Variants in CFAP36 observed in about 807,000 individuals in gnomAD.
The protein encoded by CFAP36 is cilia and flagella associated protein 36.
In CFAP36, 37 loss-of-function variants were observed where a neutral mutation model predicts 50.5. That is an observed-to-expected ratio of 0.73 (90% CI 0.56 to 0.96). The LOEUF is 0.96. Ranked by LOEUF, CFAP36 falls within the 50% of genes least tolerant of loss-of-function variation. The pLI, the probability that CFAP36 is intolerant of heterozygous loss-of-function variation, is 0.00. For missense variants in CFAP36, 407 were observed against 396.2 expected (o/e 1.03, Z -0.23); for synonymous variants, 138 against 128.2 (o/e 1.08, Z -0.52).
intron 3 of CFAP36, 27 bp from the exon 4 acceptor site, chr2:55,528,851 C>A: frequency 7.1e-7 from 1 of 1,414,640 alleles, no homozygotes; most frequent in Non-Finnish European, 9.8e-7. Flanking sequence ...CTTGAATCTT[C>A]ATTTCACTTG....
intron 7 of CFAP36, among the ~76,000 whole-genome samples, chr2:55,541,268 G>A (rs1483151774): frequency 6.6e-6 from 1 of 152,126 alleles, no homozygotes; most frequent in East Asian, 1.9e-4. Flanking sequence ...AGGTTGCAGT[G>A]AGCCAAGATC....
In CFAP36 at chr2:55,537,578, A is replaced by G; in HGVS notation, c.633A>G (p.Pro211=). ...GGGATGGTGAACATTTTGCACACCC[A>G]CCCTCAGGTAAGGTTGAGGTGTACT... ...SQGDGEHFAH[P]PSEVKMHFAN... Residue 211 remains proline, a synonymous_variant, in exon 7 of 10, where the codon CCA becomes CCG. Coordinates refer to ENST00000349456, the MANE Select transcript of CFAP36 (RefSeq NM_080667.7). 1 of 1,607,796 alleles carries G rather than the reference A, an allele frequency of 6.2e-7. No homozygotes were observed. Among genetic ancestry groups the G allele is most frequent in the Non-Finnish European group, 8.5e-7 (1 of 1,175,722 alleles).
At chr2:55,521,238 C>G (rs191528179) in intron 1 of CFAP36, among the ~76,000 whole-genome samples, 2 of 139,662 alleles carry the variant, frequency 1.4e-5, no homozygotes, top group African/African-American at 5.4e-5. Flanking sequence ...GAGTGTCGCT[C>G]TGTTGCCCAG....
intron 2 of CFAP36, among the ~76,000 whole-genome samples, chr2:55,523,097 CAA>C (rs1171309942): frequency 1.8e-5 from 2 of 109,172 alleles, no homozygotes; most frequent in Admixed American, 1.0e-4. Flanking sequence ...GACTCTGTCT[CAA>C]AAAAAAAAAA....
At chr2:55,529,283 G>A (rs1357341289) in intron 4 of CFAP36, among the ~76,000 whole-genome samples, 15 of 151,964 alleles carry the variant, frequency 9.9e-5, no homozygotes, top group Admixed American at 9.2e-4. Flanking sequence ...TTAGCTGGGC[G>A]TGGTGGCGGG....
intron 1 of CFAP36, chr2:55,520,581 A>G: frequency 1.2e-6 from 1 of 837,042 alleles, no homozygotes; most frequent in Non-Finnish European, 1.7e-6. Flanking sequence ...TTCCCCGTGA[A>G]GGACAGGCAT....
chr2:55,527,656 C>T (rs1276742750), intron 3 of CFAP36, among the ~76,000 whole-genome samples: 1 of 152,126 alleles, frequency 6.6e-6, no homozygotes, highest in African/African-American at 2.4e-5. Flanking sequence ...ACATACACCA[C>T]TTCATCCAAT....
intron 4 of CFAP36, among the ~76,000 whole-genome samples, chr2:55,532,208 A>T (rs571882126): frequency 7.0e-6 from 1 of 142,184 alleles, no homozygotes; most frequent in South Asian, 2.2e-4. Context: ...TCTCAAAATT[A>T]AAAAAAAAAA....
At chr2:55,522,979 C>T (rs984952897) in intron 2 of CFAP36, among the ~76,000 whole-genome samples, 26 of 151,564 alleles carry the variant, frequency 1.7e-4, no homozygotes, top group African/African-American at 4.8e-4. Flanking sequence ...CCTGTAGTCC[C>T]AGTTGCTTGG....
At chr2:55,540,404 T>G (rs1427986288) in intron 7 of CFAP36, among the ~76,000 whole-genome samples, 1 of 152,188 alleles carries the variant, frequency 6.6e-6, no homozygotes, top group East Asian at 1.9e-4. Context: ...AAAGATAAAT[T>G]GATTATATTT....
chr2:55,545,042 A>G lies in CFAP36; in HGVS notation c.*34A>G, dbSNP rs770666596. 2 of 1,262,524 alleles carry G rather than the reference A, an allele frequency of 1.6e-6. No individual in the cohort carries two copies. Among genetic ancestry groups the G allele is most frequent in the East Asian group, 2.5e-5 (1 of 39,934 alleles). The allele number at this position is 1,262,524 out of a possible 1,614,324, so 78.2% of individuals were successfully genotyped here. A position where few individuals can be genotyped will look rare whatever the true frequency, so the allele number is the denominator to read the frequency against. On this transcript the variant is annotated 3_prime_UTR_variant, in exon 10 of 10. Coordinates refer to ENST00000349456, the MANE Select transcript of CFAP36 (RefSeq NM_080667.7). ...AACAATTTAACAAAATGGAAGTTCA[A>G]ATTGTCTTAAAAATAAATTATTTAG... is the stretch of plus-strand genomic sequence containing the variant.
intron 1 of CFAP36, among the ~76,000 whole-genome samples, chr2:55,521,469 A>T (rs1408303583): frequency 6.6e-6 from 1 of 152,274 alleles, no homozygotes; most frequent in East Asian, 1.9e-4. Flanking sequence ...ATATTACATT[A>T]AAAGTTATGA....
At chr2:55,525,147 A>C (rs1684172086) in intron 3 of CFAP36, among the ~76,000 whole-genome samples, 1 of 152,100 alleles carries the variant, frequency 6.6e-6, no homozygotes, top group African/African-American at 2.4e-5. Flanking sequence ...CTACTACCCA[A>C]GTAGCCTTTT....
Position 55,544,262 on chromosome 2 carries a change from C to T in CFAP36, c.820C>T (p.His274Tyr). Reference sequence around the variant, plus strand: ...AACAGAAGAACTTCGGCAACGAGAACACTATCTCAAGCAGAAGAGAGATAA... The same window carrying T: ...AACAGAAGAACTTCGGCAACGAGAATACTATCTCAAGCAGAAGAGAGATAA... ...LGTEELRQRE[H>Y]YLKQKRDKLM... The change falls in exon 9 of 10, where the codon CAC becomes TAC. Residue 274 changes from histidine to tyrosine, a missense_variant. Coordinates refer to ENST00000349456, the MANE Select transcript of CFAP36 (RefSeq NM_080667.7). The T allele has an allele frequency of 2.5e-6, 4 of 1,613,816 alleles. No homozygotes were observed. Among genetic ancestry groups the T allele is most frequent in the East Asian group, 2.2e-5 (1 of 44,836 alleles).
chr2:55,529,881 C>T (rs374356919), intron 4 of CFAP36, among the ~76,000 whole-genome samples: 16 of 152,214 alleles, frequency 1.1e-4, no homozygotes, highest in Non-Finnish European at 7.4e-5. Context: ...CTCCTGACCT[C>T]GTGATCCGCC....
chr2:55,521,063 A>G (rs184827156), intron 1 of CFAP36, among the ~76,000 whole-genome samples: 92 of 152,372 alleles, frequency 6.0e-4, no homozygotes, highest in African/African-American at 1.8e-3. Flanking sequence ...GGTAAAGATG[A>G]AATTCAGTTT....
Position 55,535,849 on chromosome 2 carries a change from C to T in CFAP36, c.537+86C>T, listed in dbSNP as rs1401185274. 4.8e-6 allele frequency: 7 copies of T among 1,454,206 alleles called. No homozygotes were observed. In the African/African-American group the frequency reaches 7.3e-5, roughly 15 times the overall value. 90.1% of individuals were successfully genotyped at this position (1,454,206 alleles called of 1,614,324 possible). ...CTAGATCTTACTATTAAAATTTATA[C>T]TTATGTGGAACTACATAATTTTAAG... On this transcript the variant is annotated intron_variant, in intron 6 of 9. Transcript: ENST00000349456.
chr2:55,520,008 C>T, intron 1 of CFAP36, 92 bp downstream of exon 1: 1 of 1,136,854 alleles, frequency 8.8e-7, no homozygotes, highest in Non-Finnish European at 1.3e-6. Flanking sequence ...TCTCTCGTCT[C>T]CCCGACCCCC....
At chr2:55,538,857 T>C in intron 7 of CFAP36, 1 of 1,518,776 alleles carries the variant, frequency 6.6e-7, no homozygotes, top group South Asian at 1.3e-5. Context: ...CTAAATATAT[T>C]CTTCTAAACC....
Sources: gnomAD v4.1 joint callset for allele counts (sites outside exome capture counted in the v4.1 genomes callset) on GRCh38, gnomAD v4.1.1 for gene constraint, MANE v1.5 for transcripts, NCBI Gene and HGNC (gene_info 2026-07-23, HGNC 2026-07-21) for gene names.